TNFRSF4: variants seen among roughly 807,000 people sequenced by gnomAD.
The protein encoded by TNFRSF4 is tumor necrosis factor receptor superfamily member 4.
A neutral mutation model predicts 29.5 loss-of-function variants in TNFRSF4; 21 were observed. That is an observed-to-expected ratio of 0.71 (90% confidence interval 0.51 to 1.03). TNFRSF4 has a LOEUF of 1.03. TNFRSF4 is among the 50% of genes least tolerant of loss of function. The pLI is 0.00. For synonymous variants in TNFRSF4, 197 were observed against 172.7 expected (o/e 1.14, Z -1.10); for missense variants, 408 against 387.8 (o/e 1.05, Z -0.44).
intron 2 of TNFRSF4, 36 bp from the exon 3 acceptor site, chr1:1,213,129 G>A (rs1649260637): frequency 1.9e-6 from 3 of 1,584,042 alleles, no homozygotes; most frequent in Non-Finnish European, 2.6e-6. Context: ...GGTCAGGTGG[G>A]GGCTGTGGAC....
intron 4 of TNFRSF4, 76 bp from the exon 5 acceptor site, chr1:1,212,214 C>T (rs561193269): frequency 1.3e-6 from 2 of 1,499,850 alleles, no homozygotes; most frequent in East Asian, 4.6e-5. Context: ...ATAACAGGGT[C>T]CACGCTGGCC....
intron 5 of TNFRSF4, 31 bp from the exon 6 acceptor site, chr1:1,211,863 A>G: frequency 6.6e-7 from 1 of 1,519,872 alleles, no homozygotes; most frequent in Non-Finnish European, 8.8e-7. Flanking sequence ...GGTGGGGTCC[A>G]CAGGAGGGGC....
At chr1:1,212,602 C>CG (rs1649210511) in intron 4 of TNFRSF4, 36 bp downstream of exon 4, 1 of 1,382,784 alleles carries the variant, frequency 7.2e-7, no homozygotes, top group East Asian at 2.9e-5. Flanking sequence ...CCCAACCCCC[C>CG]CCCAGCCCCT....
chr1:1,211,915 C>T, intron 5 of TNFRSF4, 27 bp downstream of exon 5: 1 of 1,516,582 alleles, frequency 6.6e-7, no homozygotes, highest in African/African-American at 1.4e-5. Context: ...GTTGGGGGCC[C>T]CGCTGGGCTG....
intron 2 of TNFRSF4, 180 bp from the exon 3 acceptor site, chr1:1,213,273 C>T: frequency 6.5e-7 from 1 of 1,532,382 alleles, no homozygotes. Flanking sequence ...GCCCTCCCTT[C>T]CTGGCCACAA....
rs749385408 is a variant in TNFRSF4 at position 1,211,962 on chromosome 1, C to G, written c.614G>C (p.Arg205Pro). 174 of 1,583,482 alleles carry G rather than the reference C, an allele frequency of 1.1e-4. No homozygotes were observed. The highest frequency in any genetic ancestry group is 1.5e-4 in the Non-Finnish European group (170 of 1,166,330). Residue 205 changes from arginine to proline, a missense_variant, in exon 5 of 7, where the codon CGG becomes CCG. Coordinates refer to ENST00000379236, the MANE Select transcript of TNFRSF4 (RefSeq NM_003327.4). The stretch of plus-strand genomic sequence containing the variant: ...CTTACCCCCGGGGACCTCCACGGGC[C>G]GGGTGGAGGGTCCCTGTGAGGTTCT... ...WPRTSQGPST[R>P]PVEVPGGRAV...
chr1:1,212,611 CT>C, intron 4 of TNFRSF4, 26 bp downstream of exon 4: 2 of 1,490,262 alleles, frequency 1.3e-6, no homozygotes, highest in Non-Finnish European at 1.8e-6. Context: ...CCCCCAGCCC[CT>C]CCCAGCCCCT....
chr1:1,211,676 C>T (rs772528905), intron 6 of TNFRSF4, 28 bp downstream of exon 6: 1 of 1,580,176 alleles, frequency 6.3e-7, no homozygotes, highest in Non-Finnish European at 8.6e-7. Flanking sequence ...CCGCCAGGAG[C>T]AGTGCGGCAG....
Position 1,214,098 on chromosome 1 carries a change from G to T in TNFRSF4, c.30C>A (p.Arg10=), listed in dbSNP as rs763240079. ...GGAGGAGCAGAGCCGCACACGGCCC[G>T]CGGCCCAGCCGCCGAGCCCCCACGC... MCVGARRLG[R]GPCAALLLLG... is the part of the protein sequence containing the mutation. Residue 10 remains arginine (R), a synonymous_variant, in exon 1 of 7, where the codon CGC becomes CGA. Coordinates refer to ENST00000379236, the MANE Select transcript of TNFRSF4 (RefSeq NM_003327.4). The surrounding 1 kb of genome is among the most constrained non-coding windows in gnomAD (Gnocchi z 4.2). 1.3e-6 allele frequency: 2 copies of T among 1,586,494 alleles called. No homozygotes were observed. Among genetic ancestry groups the T allele is most frequent in the Non-Finnish European group, 1.7e-6 (2 of 1,171,512 alleles).
chr1:1,212,843 C>A, intron 3 of TNFRSF4, 139 bp from the exon 4 acceptor site: 1 of 1,212,418 alleles, frequency 8.2e-7, no homozygotes. Flanking sequence ...CTGCCCACAT[C>A]CCACCCGTGG....
rs1649312435 is a variant in TNFRSF4, at chr1:1,213,649, A to G, written c.268+14T>C. The stretch of plus-strand genomic sequence containing the variant: ...CTGTGCTGGGTGGGGCTGTGGGGCC[A>G]GGTGGGAGCTCACTGAGGTTACACC... On this transcript the variant is annotated intron_variant, in intron 2 of 6. Transcript: ENST00000379236. 1 of 1,578,192 alleles carries G rather than the reference A, an allele frequency of 6.3e-7. No homozygotes were observed. The highest frequency in any genetic ancestry group is 8.6e-7 in the Non-Finnish European group (1 of 1,162,000).
intron 4 of TNFRSF4, 80 bp from the exon 5 acceptor site, chr1:1,212,218 G>T (rs1419713363): frequency 1.3e-6 from 2 of 1,485,644 alleles, no homozygotes; most frequent in South Asian, 1.2e-5. Flanking sequence ...CAGGGTCCAC[G>T]CTGGCCAGCC....
At position 1,211,571 on chromosome 1, in the gene TNFRSF4, G is replaced by T. The variant is rs769382766; in HGVS notation, c.818C>A (p.Thr273Asn). 2 of 1,511,550 alleles carry T rather than the reference G, an allele frequency of 1.3e-6. No homozygotes were observed. Among genetic ancestry groups the T allele is most frequent in the Middle Eastern group, 1.8e-4 (1 of 5,598 alleles). The allele number at this position is 1,511,550 out of a possible 1,614,324, so 93.6% of individuals were successfully genotyped here. A position where few individuals can be genotyped will look rare whatever the true frequency, so the allele number is the denominator to read the frequency against. Reference protein sequence around the residue: ...IQEEQADAHSTLAKI With the variant: ...IQEEQADAHSNLAKI ...GGGCCCAGGTCAGATCTTGGCCAGG[G>T]TGGAGTGGGCGTCGGCCTGCTCCTC... The change falls in exon 7 of 7, where the codon ACC (threonine) becomes AAC (asparagine). Residue 273 changes from threonine to asparagine, a missense_variant. By Grantham distance (65) the Thr-to-Asn change is moderately conservative. Coordinates refer to ENST00000379236, the MANE Select transcript of TNFRSF4 (RefSeq NM_003327.4).
At chr1:1,212,796 A>G in intron 3 of TNFRSF4, 92 bp from the exon 4 acceptor site, 4 of 1,286,050 alleles carry the variant, frequency 3.1e-6, no homozygotes, top group Non-Finnish European at 4.2e-6. Flanking sequence ...CTTGCCCCCC[A>G]TGGCTGGGTG....
intron 3 of TNFRSF4, 112 bp downstream of exon 3, chr1:1,212,880 G>T (rs1327826652): frequency 2.7e-5 from 35 of 1,312,990 alleles, no homozygotes; most frequent in Non-Finnish European, 3.5e-5. Context: ...TCGGTCTTGA[G>T]GATGCCAGAG....
rs34108055 is a variant in TNFRSF4 at position 1,212,720 on chromosome 1, G to A, written c.371-16C>T. 0.011 allele frequency: 17,245 copies of A among 1,537,028 alleles called. 140 individuals carry two copies. The highest frequency in any genetic ancestry group is 0.014 in the Non-Finnish European group (15,795 of 1,142,916). ...GGGGCACAGTCTGCAACAAAGATAG[G>A]GTGGTCAGGGGCTGCCCACAGGCCC... On this transcript the variant is annotated splice_polypyrimidine_tract_variant and intron_variant, in intron 3 of 6. Transcript: ENST00000379236.
chr1:1,211,503 C>A lies in TNFRSF4; in HGVS notation c.*52G>T. ...GCACCTGCCCTGCTCGCCCAGCAGACCCTCCGGGCTCCAGCCTGGCGGGGC... is the reference window on the plus strand; with the variant it reads ...GCACCTGCCCTGCTCGCCCAGCAGAACCTCCGGGCTCCAGCCTGGCGGGGC... On this transcript the variant is annotated 3_prime_UTR_variant, in exon 7 of 7. Transcript: ENST00000379236. 1.4e-6 allele frequency: 2 copies of A among 1,462,250 alleles called. No individual in the cohort carries two copies. The highest frequency in any genetic ancestry group is 1.8e-6 in the Non-Finnish European group (2 of 1,109,570). 90.6% of individuals were successfully genotyped at this position (1,462,250 alleles called of 1,614,324 possible). A position where few individuals can be genotyped will look rare whatever the true frequency, so the allele number is the denominator to read the frequency against.
intron 1 of TNFRSF4, 28 bp from the exon 2 acceptor site, chr1:1,213,813 G>C (rs371981223): frequency 1.5e-5 from 23 of 1,577,188 alleles, no homozygotes; most frequent in Non-Finnish European, 2.0e-5. Context: ...GTCAGGCAGC[G>C]GTCAGGCCCC....
chr1:1,213,738 G>T lies in TNFRSF4; in HGVS notation c.193C>A (p.Arg65Ser). 6.2e-7 allele frequency: 1 copy of T among 1,603,070 alleles called. No individual in the cohort carries two copies. Among genetic ancestry groups the T allele is most frequent in the South Asian group, 1.1e-5 (1 of 89,104 alleles). Residue 65 changes from arginine to serine, a missense_variant, in exon 2 of 7, where the codon CGT becomes AGT. Coordinates refer to ENST00000379236, the MANE Select transcript of TNFRSF4 (RefSeq NM_003327.4). ...RCSRSQNTVC[R>S]PCGPGFYNDV... ...TTGTAGAAGCCCGGCCCGCACGGAC[G>T]GCACACCGTGTTCTGGGAGCGGCTG...
Sources: gnomAD v4.1 joint callset for allele counts on GRCh38, gnomAD v4.1.1 for gene constraint, Gnocchi (gnomAD v3.1) non-coding constraint, MANE v1.5 for transcripts, NCBI Gene and HGNC (gene_info 2026-07-23, HGNC 2026-07-21) for gene names.